Variants in OR1L8 observed in about 807,000 individuals in gnomAD.
OR1L8 encodes the protein olfactory receptor 1L8.
For missense variants in OR1L8, 330 were observed against 377.4 expected, an observed-to-expected ratio of 0.87 and a Z score of 1.04; for synonymous variants, 148 against 147.0, an observed-to-expected ratio of 1.01 and a Z score of -0.05.
intron 4 of OR1L8, among the ~76,000 whole-genome samples, chr9:122,569,261 A>C (rs192310348): frequency 1.3e-5 from 2 of 152,138 alleles, no homozygotes; most frequent in African/African-American, 2.4e-5. Context: ...TCTCTGTCCT[A>C]AATCACATTT....
intron 4 of OR1L8, among the ~76,000 whole-genome samples, chr9:122,570,549 A>G (rs949782349): frequency 6.6e-6 from 1 of 152,234 alleles, no homozygotes; most frequent in Non-Finnish European, 1.5e-5. Context: ...CCACATTGTC[A>G]TGAGGATTTA....
At chr9:122,562,987 G>T (rs1829376135), downstream of OR1L8, among the ~76,000 whole-genome samples, 1 of 152,134 alleles carries the variant, frequency 6.6e-6, no homozygotes, top group Non-Finnish European at 1.5e-5. Context: ...ACTTGAGGGT[G>T]CAGATGACTC....
intron 3 of OR1L8, among the ~76,000 whole-genome samples, chr9:122,574,350 AT>A (rs1829603885): frequency 6.6e-6 from 1 of 152,130 alleles, no homozygotes; most frequent in South Asian, 2.1e-4. Flanking sequence ...TGGAATTACT[AT>A]TTAGTTCTTT....
the OR1L8 span, among the ~76,000 whole-genome samples, chr9:122,552,751 T>TGA: frequency 1.6e-3 from 97 of 59,592 alleles, no homozygotes; most frequent in African/African-American, 5.7e-3. Flanking sequence ...AGGGCTTGAG[T>TGA]GTGTGTGTGT....
chr9:122,551,139 G>T, the OR1L8 span, among the ~76,000 whole-genome samples: 1 of 152,070 alleles, frequency 6.6e-6, no homozygotes, highest in African/African-American at 2.4e-5. Context: ...ACCAAATCAA[G>T]ACCTCAATCC....
downstream of OR1L8, among the ~76,000 whole-genome samples, chr9:122,565,740 T>G (rs2118705068): frequency 6.6e-6 from 1 of 152,392 alleles, no homozygotes; most frequent in Non-Finnish European, 1.5e-5. Context: ...TCTAGTAGTT[T>G]AATTTTTATG....
At chr9:122,578,496 C>A (rs1428281532) in intron 1 of OR1L8, 51 bp from the exon 2 acceptor site, 1 of 150,842 alleles carries the variant, frequency 6.6e-6, no homozygotes, top group African/African-American at 2.4e-5. Context: ...AAGATACTTG[C>A]ACATGCATGT....
At chr9:122,563,245 T>C (rs776031911), downstream of OR1L8, among the ~76,000 whole-genome samples, 9 of 152,024 alleles carry the variant, frequency 5.9e-5, no homozygotes, top group Non-Finnish European at 1.2e-4. Flanking sequence ...TATCTCATTG[T>C]GTTTTTAAAA....
At chr9:122,578,620 C>T (rs943884734) in intron 1 of OR1L8, among the ~76,000 whole-genome samples, 175 bp from the exon 2 acceptor site, 1 of 151,918 alleles carries the variant, frequency 6.6e-6, no homozygotes, top group African/African-American at 2.4e-5. Context: ...TACTATTTGG[C>T]CATAAAAAGG....
intron 4 of OR1L8, 34 bp downstream of exon 4, chr9:122,572,746 T>C (rs34893916): frequency 0.13 from 19,649 of 152,198 alleles, 1,527 homozygotes; most frequent in African/African-American, 0.2. Flanking sequence ...CAAACTGGGT[T>C]GGCTAGGTAG....
the OR1L8 span, among the ~76,000 whole-genome samples, chr9:122,557,853 T>G: frequency 1.2e-3 from 181 of 152,132 alleles, no homozygotes; most frequent in Admixed American, 2.2e-3. Flanking sequence ...TACTTTCTGT[T>G]TGGGAAAGTT....
At chr9:122,565,036 T>G (rs943836040), downstream of OR1L8, among the ~76,000 whole-genome samples, 2 of 152,214 alleles carry the variant, frequency 1.3e-5, no homozygotes, top group African/African-American at 4.8e-5. Flanking sequence ...TCAAGGGACT[T>G]ATACTTCCTC....
chr9:122,567,668 C>A lies in OR1L8; in HGVS notation c.810G>T (p.Lys270Asn), dbSNP rs570305787. 1 of 1,614,032 alleles carries A rather than the reference C, an allele frequency of 6.2e-7. No homozygotes were observed. The highest frequency in any genetic ancestry group is 1.1e-5 in the South Asian group (1 of 91,078). ...YLQPPSTYAVKDHVATIVYTV... is the reference protein window; with the variant it reads ...YLQPPSTYAVNDHVATIVYTV... ...TGTAAACAATTGTTGCCACGTGGTC[C>A]TTGACAGCGTAGGTGGATGGGGGCT... The change falls in exon 5 of 5, where the codon AAG becomes AAT. Residue 270 changes from lysine (K) to asparagine (N), a missense_variant. Transcript: ENST00000641027.
At position 122,567,920 on chromosome 9, in the gene OR1L8, C is replaced by G. The variant is rs1263351623; in HGVS notation, c.558G>C (p.Leu186=). The G allele has an allele frequency of 6.2e-7, 1 of 1,613,934 alleles. No individual in the cohort carries two copies. The highest frequency in any genetic ancestry group is 1.3e-5 in the African/African-American group (1 of 74,920). ...CAAATATGGAAGAGCAGGACAATTTCAGCACAGGGCTGAGGTCACAGAGAA... is the reference window on the plus strand; with the variant it reads ...CAAATATGGAAGAGCAGGACAATTTGAGCACAGGGCTGAGGTCACAGAGAA... ...HHFLCDLSPV[L]KLSCSSIFVN... The change falls in exon 5 of 5, where the codon CTG becomes CTC. Residue 186 remains leucine, a synonymous_variant. Transcript: ENST00000641027.
chr9:122,573,940 T>C (rs558950705), intron 3 of OR1L8, among the ~76,000 whole-genome samples: 9 of 152,336 alleles, frequency 5.9e-5, no homozygotes, highest in African/African-American at 1.7e-4. Context: ...TATTTTTCTT[T>C]TTGGTATGTG....
At chr9:122,555,446 C>T in the OR1L8 span, among the ~76,000 whole-genome samples, 2 of 152,156 alleles carry the variant, frequency 1.3e-5, no homozygotes, top group Non-Finnish European at 2.9e-5. Flanking sequence ...TAGCAATCTG[C>T]GGCTGCAATT....
downstream of OR1L8, among the ~76,000 whole-genome samples, chr9:122,564,817 G>A (rs1181600326): frequency 6.6e-6 from 1 of 152,230 alleles, no homozygotes; most frequent in Non-Finnish European, 1.5e-5. Flanking sequence ...AGGGCCAGCA[G>A]TACACCTTAA....
At chr9:122,550,816 C>T in the OR1L8 span, among the ~76,000 whole-genome samples, 2 of 151,628 alleles carry the variant, frequency 1.3e-5, no homozygotes, top group South Asian at 2.1e-4. Flanking sequence ...GAAAGCTGAA[C>T]GCATTCCCCC....
chr9:122,546,616 A>T, the OR1L8 span, among the ~76,000 whole-genome samples: 571 of 152,296 alleles, frequency 3.7e-3, 2 homozygotes, highest in African/African-American at 0.013. Flanking sequence ...TAAAAGTAAA[A>T]GCAGATCCTC....
Sources: gnomAD v4.1 joint callset for allele counts (sites outside exome capture counted in the v4.1 genomes callset) on GRCh38, gnomAD v4.1.1 for gene constraint, MANE v1.5 for transcripts, NCBI Gene and HGNC (gene_info 2026-07-23, HGNC 2026-07-21) for gene names.